The following SDHAF4 variants were observed in gnomAD, a reference collection of about 807,000 sequenced individuals.
The protein encoded by SDHAF4 is succinate dehydrogenase complex assembly factor 4.
A neutral mutation model predicts 14.3 loss-of-function variants in SDHAF4; 14 were observed. That is an observed-to-expected ratio of 0.98 (90% CI 0.65 to 1.53). The LOEUF is 1.53. Among genes scored for constraint, SDHAF4 ranks in the 40% most tolerant of loss-of-function variants. The pLI, the probability that SDHAF4 is intolerant of heterozygous loss-of-function variation, is 0.00. For synonymous variants in SDHAF4, 63 were observed against 47.3 expected, an observed-to-expected ratio of 1.33 and a Z score of -1.36; for missense variants, 141 against 129.3, an observed-to-expected ratio of 1.09 and a Z score of -0.44.
chr6:70,572,558 A>G (rs763052988), intron 1 of SDHAF4, among the ~76,000 whole-genome samples: 12 of 152,312 alleles, frequency 7.9e-5, no homozygotes, highest in Middle Eastern at 3.4e-3. Context: ...TATCAATTAA[A>G]AAATGAAGAC....
At chr6:70,577,324 TAC>T (rs2128534718) in intron 1 of SDHAF4, among the ~76,000 whole-genome samples, 1 of 152,198 alleles carries the variant, frequency 6.6e-6, no homozygotes, top group Admixed American at 6.5e-5. Flanking sequence ...TTCTGTTTGC[TAC>T]AGAGGTGTAG....
At chr6:70,572,997 A>G (rs900381296) in intron 1 of SDHAF4, among the ~76,000 whole-genome samples, 13 of 151,994 alleles carry the variant, frequency 8.6e-5, no homozygotes, top group African/African-American at 2.7e-4. Context: ...TTTCTGAGAG[A>G]CAGAGTCTTG....
At chr6:70,590,954 C>T (rs1482647460), downstream of SDHAF4, among the ~76,000 whole-genome samples, 1 of 152,070 alleles carries the variant, frequency 6.6e-6, no homozygotes, top group Non-Finnish European at 1.5e-5. Flanking sequence ...TAAATCCAGT[C>T]TGAGGGCAAA....
intron 1 of SDHAF4, among the ~76,000 whole-genome samples, chr6:70,572,604 TTTTA>T (rs1356314292): frequency 6.6e-6 from 1 of 152,122 alleles, no homozygotes; most frequent in African/African-American, 2.4e-5. Context: ...TAAATTATGT[TTTTA>T]TTCATTTTTT....
downstream of SDHAF4, among the ~76,000 whole-genome samples, chr6:70,589,752 G>A (rs181286470): frequency 6.6e-6 from 1 of 152,166 alleles, no homozygotes; most frequent in East Asian, 1.9e-4. Flanking sequence ...TGTGACCTTG[G>A]ATAACTTATT....
chr6:70,585,636 ACTT>A (rs1765186391), intron 2 of SDHAF4, among the ~76,000 whole-genome samples: 1 of 152,246 alleles, frequency 6.6e-6, no homozygotes, highest in Non-Finnish European at 1.5e-5. Flanking sequence ...AGAAAGAAGA[ACTT>A]CCGTTAGAGA....
rs926332302 is a variant in SDHAF4, at chr6:70,589,209, G to A, written c.*485G>A. ...AGACAGAGTCTCTCTCTCTCACCCA[G>A]GCTGGAGTGGAGTGGCACTATCCCA... On this transcript the variant is annotated 3_prime_UTR_variant, in exon 3 of 3. Transcript: ENST00000370474. The A allele has an allele frequency of 6.6e-6, 1 of 152,126 alleles. No homozygotes were observed. The highest frequency in any genetic ancestry group is 6.6e-5 in the Admixed American group (1 of 15,260). The allele number at this position is 152,126 out of a possible 1,614,324, so 9.4% of individuals were successfully genotyped here. A position where few individuals can be genotyped will look rare whatever the true frequency, so the allele number is the denominator to read the frequency against.
the SDHAF4 span, among the ~76,000 whole-genome samples, chr6:70,595,655 G>A: frequency 6.6e-6 from 1 of 152,220 alleles, no homozygotes; most frequent in Non-Finnish European, 1.5e-5. Context: ...GCTGAGGCAG[G>A]TGGATCACCT....
At chr6:70,590,695 C>T (rs1466336356), downstream of SDHAF4, among the ~76,000 whole-genome samples, 4 of 152,156 alleles carry the variant, frequency 2.6e-5, no homozygotes, top group Admixed American at 2.0e-4. Context: ...TCTGTGATCA[C>T]CCTATATTAT....
At chr6:70,586,766 T>C (rs1765205691) in intron 2 of SDHAF4, among the ~76,000 whole-genome samples, 2 of 152,148 alleles carry the variant, frequency 1.3e-5, no homozygotes, top group Admixed American at 1.3e-4. Flanking sequence ...AAGTAAATTT[T>C]AAAAATATAC....
At chr6:70,579,198 T>A (rs1180279813) in intron 1 of SDHAF4, among the ~76,000 whole-genome samples, 1 of 152,234 alleles carries the variant, frequency 6.6e-6, no homozygotes. Context: ...AACAATTAAC[T>A]AATTTATTTC....
chr6:70,583,286 T>C (rs1162594356), intron 2 of SDHAF4, among the ~76,000 whole-genome samples: 1 of 152,182 alleles, frequency 6.6e-6, no homozygotes, highest in Non-Finnish European at 1.5e-5. Context: ...CTAATTTTTG[T>C]ATTTTTAGTA....
chr6:70,585,739 A>G (rs1046030028), intron 2 of SDHAF4, among the ~76,000 whole-genome samples: 5 of 152,212 alleles, frequency 3.3e-5, no homozygotes, highest in Non-Finnish European at 7.4e-5. Flanking sequence ...GCTGATGAGT[A>G]TGGGGGAGAG....
downstream of SDHAF4, among the ~76,000 whole-genome samples, chr6:70,592,556 T>A (rs981273703): frequency 2.0e-5 from 3 of 152,124 alleles, no homozygotes; most frequent in African/African-American, 7.2e-5. Flanking sequence ...AGGCTGGGTG[T>A]TTTATAGCAA....
the SDHAF4 span, among the ~76,000 whole-genome samples, chr6:70,597,971 C>T: frequency 6.6e-6 from 1 of 152,154 alleles, no homozygotes; most frequent in African/African-American, 2.4e-5. Context: ...AAAAGATTAT[C>T]GAACTAACAA....
intron 1 of SDHAF4, among the ~76,000 whole-genome samples, chr6:70,567,873 G>A (rs1045425272): frequency 6.6e-6 from 1 of 152,108 alleles, no homozygotes; most frequent in African/African-American, 2.4e-5. Flanking sequence ...TTTTAGTAGA[G>A]ACGGGGTTTC....
At chr6:70,567,056 G>A (rs994840772) in intron 1 of SDHAF4, 52 bp downstream of exon 1, 107 of 1,512,360 alleles carry the variant, frequency 7.1e-5, no homozygotes, top group Non-Finnish European at 8.8e-5. Context: ...TGAAGGCCCA[G>A]GCGCAGAGAG....
At chr6:70,570,372 G>T (rs1035565356) in intron 1 of SDHAF4, among the ~76,000 whole-genome samples, 2 of 151,934 alleles carry the variant, frequency 1.3e-5, no homozygotes, top group Non-Finnish European at 1.5e-5. Flanking sequence ...ACCCAGGCTG[G>T]AGTGCAGTGG....
intron 1 of SDHAF4, among the ~76,000 whole-genome samples, chr6:70,573,684 T>A (rs1328059947): frequency 6.6e-6 from 1 of 151,266 alleles, no homozygotes; most frequent in Non-Finnish European, 1.5e-5. Flanking sequence ...TTTATTTTTT[T>A]TTTATTTTTT....
Sources: allele counts gnomAD v4.1 joint callset (sites outside exome capture counted in the v4.1 genomes callset), GRCh38; gene constraint gnomAD v4.1.1; transcripts MANE v1.5; gene names NCBI Gene and HGNC (gene_info 2026-07-23, HGNC 2026-07-21).